CR1: variants seen among roughly 807,000 people sequenced by gnomAD.
The protein encoded by CR1 is complement receptor type 1.
Under a neutral mutation model 187.3 loss-of-function variants are expected in CR1, and 116 were observed. That is an observed-to-expected ratio of 0.62 (90% CI 0.53 to 0.72). The LOEUF (loss-of-function observed/expected upper bound fraction) is 0.72, where lower values mean the gene tolerates loss of function less well. Ranked by LOEUF, CR1 falls within the 30% of genes least tolerant of loss-of-function variation. CR1 has a pLI of 0.00. For synonymous variants in CR1, 576 were observed against 747.1 expected, an observed-to-expected ratio of 0.77 and a Z score of 3.73; for missense variants, 1,731 against 2,110.7, an observed-to-expected ratio of 0.82 and a Z score of 3.52.
At position 207,609,403 on chromosome 1, in the gene CR1, G is replaced by A. The variant is rs907980596; in HGVS notation, c.6010G>A (p.Gly2004Arg). The change falls in exon 37 of 47, where the codon GGA becomes AGA. Residue 2004 changes from glycine to arginine, a missense_variant. By Grantham distance (125) the Gly-to-Arg change is moderately radical. This residue lies in a region of CR1 where 1,312 missense variants were observed against 1,379.6 expected (regional missense o/e 0.95). Coordinates refer to ENST00000367049, the MANE Select transcript of CR1 (RefSeq NM_000651.6). ...VTYQCHTGPD[G>R]EQLFELVGER... ...TTACCAGTGCCACACTGGACCAGAT[G>A]GAGAACAGCTGTTTGAGCTTGTGGG... is the stretch of plus-strand genomic sequence containing the variant. 5.0e-6 allele frequency: 8 copies of A among 1,613,892 alleles called. No homozygotes were observed. The African/African-American group carries it at 1.1e-4, about 22-fold the overall frequency.
chr1:207,577,275 ACAC>A (rs1660780805), intron 28 of CR1, among the ~76,000 whole-genome samples: 2 of 151,800 alleles, frequency 1.3e-5, no homozygotes, highest in African/African-American at 4.8e-5. Flanking sequence ...CAAAAAAAAA[ACAC>A]ATGGACTCTA....
At chr1:207,588,900 A>AGATG (rs1471444855) in intron 35 of CR1, 126 bp downstream of exon 35, 27 of 635,918 alleles carry the variant, frequency 4.2e-5, no homozygotes, top group African/African-American at 9.2e-5. Flanking sequence ...TAGGACTTAT[A>AGATG]GATGGAGATG....
At position 207,616,802 on chromosome 1, in the gene CR1, G is replaced by C. The variant is rs1400988835; in HGVS notation, c.6889G>C (p.Ala2297Pro). 1.2e-6 allele frequency: 2 copies of C among 1,613,774 alleles called. No homozygotes were observed. Among genetic ancestry groups the C allele is most frequent in the Non-Finnish European group, 8.5e-7 (1 of 1,179,776 alleles). ...APRCELSVPA[A>P]CPHPPKIQNG... ...TCGCTGTGAACTTTCTGTTCCTGCTGGTTAGTACCTGCTTCCACATATCCT... is the reference window on the plus strand; with the variant it reads ...TCGCTGTGAACTTTCTGTTCCTGCTCGTTAGTACCTGCTTCCACATATCCT... The change falls in exon 41 of 47, where the codon GCC (alanine) becomes CCC (proline). Residue 2297 changes from alanine (A) to proline (P), a missense_variant and splice_region_variant. By Grantham distance (27) the Ala-to-Pro change is conservative. Transcript: ENST00000367049.
chr1:207,602,690 T>C (rs1333805781), intron 35 of CR1, among the ~76,000 whole-genome samples: 1 of 152,078 alleles, frequency 6.6e-6, no homozygotes, highest in Non-Finnish European at 1.5e-5. Flanking sequence ...TAGAGAGATA[T>C]ACATATAGAT....
At chr1:207,623,714 C>T (rs1476727958) in intron 45 of CR1, among the ~76,000 whole-genome samples, 1 of 151,506 alleles carries the variant, frequency 6.6e-6, no homozygotes, top group Admixed American at 6.6e-5. Context: ...GTTCATGAGG[C>T]TGTTTGATAT....
At position 207,630,634 on chromosome 1, in the gene CR1, A is replaced by T. The variant is rs181376193; in HGVS notation, c.7457+13A>T. On this transcript the variant is annotated intron_variant, in intron 46 of 46. Coordinates refer to ENST00000367049, the MANE Select transcript of CR1 (RefSeq NM_000651.6). ...AAGAAAATAGCAGGTACCTATATACATACTGAATTCAAAATGTTTTCAACA... is the reference window on the plus strand; with the variant it reads ...AAGAAAATAGCAGGTACCTATATACTTACTGAATTCAAAATGTTTTCAACA... The T allele has an allele frequency of 1.6e-5, 25 of 1,516,704 alleles. No homozygotes were observed. In the African/African-American group the frequency reaches 2.7e-4, roughly 16 times the overall value. The allele number at this position is 1,516,704 out of a possible 1,614,324, so 94.0% of individuals were successfully genotyped here.
chr1:207,526,811 C>G lies in CR1; in HGVS notation c.945C>G (p.Asn315Lys). The G allele has an allele frequency of 6.7e-7, 1 of 1,494,548 alleles. No individual in the cohort carries two copies. The highest frequency in any genetic ancestry group is 1.3e-5 in the South Asian group (1 of 77,698). The allele number at this position is 1,494,548 out of a possible 1,614,324, so 92.6% of individuals were successfully genotyped here. A position where few individuals can be genotyped will look rare whatever the true frequency, so the allele number is the denominator to read the frequency against. The change falls in exon 6 of 47, where the codon AAC becomes AAG. Residue 315 changes from asparagine to lysine, a missense_variant. Transcript: ENST00000367049. ...AGCGTACCCAAAGGGACAAGGACAA[C>G]TTTTCACCTGGGCAGGAAGTGTTCT... ...HAERTQRDKD[N>K]FSPGQEVFYS...
chr1:207,616,778 C>T lies in CR1; in HGVS notation c.6865C>T (p.Arg2289Cys), dbSNP rs769027388. Reference protein sequence around the residue: ...GNGVWSSPAPRCELSVPAACP... With the variant: ...GNGVWSSPAPCCELSVPAACP... ...TGGGGTTTGGAGCAGCCCTGCCCCT[C>T]GCTGTGAACTTTCTGTTCCTGCTGG... Residue 2289 changes from arginine to cysteine, a missense_variant, in exon 41 of 47, where the codon CGC becomes TGC. This residue lies in a region of CR1 where 1,312 missense variants were observed against 1,379.6 expected (regional missense o/e 0.95). Transcript: ENST00000367049. The T allele has an allele frequency of 3.7e-6, 6 of 1,613,744 alleles. No individual in the cohort carries two copies. In the Admixed American group the frequency reaches 5.0e-5, roughly 13 times the overall value.
chr1:207,637,452 T>A (rs200564885), intron 46 of CR1, among the ~76,000 whole-genome samples: 2 of 110,382 alleles, frequency 1.8e-5, no homozygotes, highest in Non-Finnish European at 4.1e-5. Flanking sequence ...AAGGTTTCCC[T>A]TTAGGTCTAA....
At chr1:207,605,069 G>A (rs1661707000) in intron 35 of CR1, among the ~76,000 whole-genome samples, 1 of 151,982 alleles carries the variant, frequency 6.6e-6, no homozygotes, top group Non-Finnish European at 1.5e-5. Flanking sequence ...AACTAGGCTG[G>A]GCAAAATGGC....
At chr1:207,503,693 A>T (rs564128697) in intron 1 of CR1, among the ~76,000 whole-genome samples, 1 of 152,340 alleles carries the variant, frequency 6.6e-6, no homozygotes, top group East Asian at 1.9e-4. Flanking sequence ...AAGATTCTTA[A>T]TCACATCTGC....
intron 46 of CR1, among the ~76,000 whole-genome samples, chr1:207,637,900 C>T (rs1277080788): frequency 6.6e-6 from 1 of 152,144 alleles, no homozygotes; most frequent in African/African-American, 2.4e-5. Context: ...ACAAGCAAAA[C>T]CTCTCCCCCA....
chr1:207,592,488 A>G (rs1401753397), intron 35 of CR1, among the ~76,000 whole-genome samples: 1 of 152,172 alleles, frequency 6.6e-6, no homozygotes, highest in Non-Finnish European at 1.5e-5. Context: ...CACTAATATC[A>G]TACTGAATGG....
At chr1:207,607,219 A>G (rs1277098524) in intron 35 of CR1, 32 bp from the exon 36 acceptor site, 2 of 1,496,818 alleles carry the variant, frequency 1.3e-6, no homozygotes, top group Admixed American at 1.7e-5. Flanking sequence ...AAATATGTGT[A>G]GCGTATAACC....
At chr1:207,577,119 C>T (rs1321194036) in intron 28 of CR1, among the ~76,000 whole-genome samples, 22 of 152,006 alleles carry the variant, frequency 1.4e-4, no homozygotes, top group Non-Finnish European at 2.5e-4. Flanking sequence ...AGTTTGGTGG[C>T]GCATGCCTGT....
intron 3 of CR1, among the ~76,000 whole-genome samples, chr1:207,508,546 G>T (rs1329517463): frequency 6.6e-6 from 1 of 152,198 alleles, no homozygotes; most frequent in Non-Finnish European, 1.5e-5. Context: ...ATAAGTGCAG[G>T]TAAAACAGGA....
intron 28 of CR1, 119 bp from the exon 29 acceptor site, chr1:207,577,686 C>T (rs1476045635): frequency 1.1e-5 from 17 of 1,484,966 alleles, no homozygotes; most frequent in Admixed American, 2.0e-5. Context: ...GGGAGGATTG[C>T]TTGACCTGGG....
At chr1:207,564,472 A>C (rs1471900795) in intron 23 of CR1, among the ~76,000 whole-genome samples, 1 of 150,242 alleles carries the variant, frequency 6.7e-6, no homozygotes, top group African/African-American at 2.5e-5. Context: ...GGCAAGTATA[A>C]CTAGTGGTTA....
chr1:207,612,195 C>A (rs1571594660), intron 39 of CR1, among the ~76,000 whole-genome samples, 154 bp downstream of exon 39: 2 of 152,152 alleles, frequency 1.3e-5, no homozygotes, highest in Non-Finnish European at 2.9e-5. Flanking sequence ...AGGGTAGGGA[C>A]TAAGTGGCAC....
Sources: gnomAD v4.1 joint callset for allele counts (sites outside exome capture counted in the v4.1 genomes callset) on GRCh38, gnomAD v4.1.1 for gene constraint, gnomAD v4.1.1 regional missense constraint, MANE v1.5 for transcripts, NCBI Gene and HGNC (gene_info 2026-07-23, HGNC 2026-07-21) for gene names.